AGBL2: variants seen among roughly 807,000 people sequenced by gnomAD.
AGBL2 encodes the protein AGBL carboxypeptidase 2.
Under a neutral mutation model 103.0 loss-of-function variants are expected in AGBL2, and 87 were observed. That is an observed-to-expected ratio of 0.84 (90% CI 0.71 to 1.01). The LOEUF is 1.01. Among genes scored for constraint, AGBL2 ranks in the 50% least tolerant of loss-of-function variants. AGBL2 has a pLI of 0.00. For synonymous variants in AGBL2, 335 were observed against 356.7 expected, an observed-to-expected ratio of 0.94 and a Z score of 0.69; for missense variants, 904 against 1,023.5, an observed-to-expected ratio of 0.88 and a Z score of 1.59.
At chr11:47,673,680 G>C (rs2097364394) in intron 14 of AGBL2, among the ~76,000 whole-genome samples, 1 of 150,310 alleles carries the variant, frequency 6.7e-6, no homozygotes, top group South Asian at 2.1e-4. Context: ...AATAATCCCA[G>C]CTACTCGGGA....
chr11:47,660,866 C>T (rs528928366), intron 18 of AGBL2, among the ~76,000 whole-genome samples: 339 of 152,256 alleles, frequency 2.2e-3, no homozygotes, highest in Non-Finnish European at 3.7e-3. Context: ...ACATGGGCAA[C>T]ATTTTAATTG....
chr11:47,665,531 A>G (rs1475813294), intron 17 of AGBL2, among the ~76,000 whole-genome samples: 2 of 151,936 alleles, frequency 1.3e-5, no homozygotes, highest in African/African-American at 4.8e-5. Context: ...ATCATGGCTC[A>G]CTGCAGCCTC....
intron 8 of AGBL2, among the ~76,000 whole-genome samples, chr11:47,692,771 T>G: frequency 6.6e-6 from 1 of 151,948 alleles, no homozygotes; most frequent in South Asian, 2.1e-4. Context: ...TAGAATCCAC[T>G]GCCACATCCA....
At chr11:47,673,550 G>A (rs1453446731) in intron 14 of AGBL2, among the ~76,000 whole-genome samples, 2 of 151,850 alleles carry the variant, frequency 1.3e-5, no homozygotes, top group East Asian at 1.9e-4. Context: ...GCTTGAGCCC[G>A]GGAGGTGGAG....
At position 47,665,839 on chromosome 11, in the gene AGBL2, G is replaced by A. The variant is rs530538099; in HGVS notation, c.2448+1117C>T. 5.7e-4 allele frequency among the ~76,000 whole-genome samples: 86 copies of A among 151,844 alleles called. 1 individual carries two copies. Among genetic ancestry groups the A allele is most frequent in the East Asian group, 1.4e-3 (7 of 5,122 alleles). On this transcript the variant is annotated intron_variant, in intron 17 of 18. Transcript: ENST00000525123. ...AGCCTGGCCAACATGGTGAAACCCC[G>A]TCTGTACTAAAAATAAAAAATTAGC...
intron 3 of AGBL2, among the ~76,000 whole-genome samples, chr11:47,713,213 G>A (rs2097540523): frequency 6.6e-6 from 1 of 151,078 alleles, no homozygotes; most frequent in Non-Finnish European, 1.5e-5. Context: ...GAGTGGTGGT[G>A]GGCGCCTGTA....
intron 11 of AGBL2, among the ~76,000 whole-genome samples, chr11:47,684,512 C>T (rs1287995430): frequency 2.0e-5 from 3 of 149,650 alleles, no homozygotes; most frequent in Admixed American, 6.7e-5. Context: ...GCCGAGATCG[C>T]GCCACTGCAC....
intron 3 of AGBL2, among the ~76,000 whole-genome samples, chr11:47,711,476 C>G (rs2097536268): frequency 6.6e-6 from 1 of 152,190 alleles, no homozygotes. Context: ...TTTTGGAGCT[C>G]ATTCGTTTCT....
At chr11:47,665,199 C>T (rs1369751041) in intron 17 of AGBL2, among the ~76,000 whole-genome samples, 1 of 151,916 alleles carries the variant, frequency 6.6e-6, no homozygotes, top group Admixed American at 6.6e-5. Context: ...AGGCATACAC[C>T]ACCATGCCCA....
intron 14 of AGBL2, among the ~76,000 whole-genome samples, chr11:47,674,041 G>A (rs1234188398): frequency 6.6e-6 from 1 of 151,864 alleles, no homozygotes; most frequent in African/African-American, 2.4e-5. Context: ...GCAGTGAGTG[G>A]AGATCACGCC....
intron 14 of AGBL2, among the ~76,000 whole-genome samples, chr11:47,674,805 G>A (rs978500295): frequency 6.6e-5 from 10 of 151,654 alleles, no homozygotes; most frequent in South Asian, 2.1e-4. Context: ...GTGCGATCTC[G>A]GCTCACTGCA....
chr11:47,667,798 G>C, intron 15 of AGBL2, 102 bp from the exon 16 acceptor site: 11 of 1,269,674 alleles, frequency 8.7e-6, no homozygotes, highest in Non-Finnish European at 1.2e-5. Flanking sequence ...AGGCTAACTC[G>C]GTATGCAGAT....
intron 8 of AGBL2, among the ~76,000 whole-genome samples, chr11:47,693,901 AG>A (rs1196855545): frequency 6.6e-6 from 1 of 152,112 alleles, no homozygotes; most frequent in East Asian, 1.9e-4. Context: ...TTCAATAACC[AG>A]GGCTTGGCTA....
chr11:47,669,013 T>C (rs950391227), intron 14 of AGBL2, 106 bp from the exon 15 acceptor site: 21 of 730,640 alleles, frequency 2.9e-5, no homozygotes, highest in Non-Finnish European at 5.0e-5. Flanking sequence ...GGATATCTTC[T>C]AGTCTACTAT....
At chr11:47,684,970 G>A (rs1256489612) in intron 11 of AGBL2, among the ~76,000 whole-genome samples, 1 of 152,122 alleles carries the variant, frequency 6.6e-6, no homozygotes, top group Non-Finnish European at 1.5e-5. Context: ...ACTTTGGGAG[G>A]CCGGGGCAGG....
chr11:47,683,597 C>T (rs201470040), intron 11 of AGBL2, among the ~76,000 whole-genome samples: 12 of 149,816 alleles, frequency 8.0e-5, no homozygotes, highest in East Asian at 6.0e-4. Flanking sequence ...GGTGAAACCC[C>T]GTCTCTACTA....
chr11:47,676,152 A>G (rs2097374032), intron 14 of AGBL2, among the ~76,000 whole-genome samples: 1 of 152,064 alleles, frequency 6.6e-6, no homozygotes, highest in Non-Finnish European at 1.5e-5. Context: ...GCCTAACACT[A>G]GACTCCTGAT....
chr11:47,702,984 A>G (rs974925272), intron 7 of AGBL2, among the ~76,000 whole-genome samples: 4 of 152,194 alleles, frequency 2.6e-5, no homozygotes, highest in Admixed American at 2.0e-4. Flanking sequence ...TTTCTAATGC[A>G]ACCCAATTCC....
chr11:47,669,602 C>T (rs1240716243), intron 14 of AGBL2, among the ~76,000 whole-genome samples: 1 of 151,988 alleles, frequency 6.6e-6, no homozygotes, highest in Non-Finnish European at 1.5e-5. Context: ...TTGCTTGAAC[C>T]TGGGAGGCAG....
Sources: allele counts gnomAD v4.1 joint callset (sites outside exome capture counted in the v4.1 genomes callset), GRCh38; gene constraint gnomAD v4.1.1; transcripts MANE v1.5; gene names NCBI Gene and HGNC (gene_info 2026-07-23, HGNC 2026-07-21).